CEP350: variants seen among roughly 807,000 people sequenced by gnomAD.
The protein encoded by CEP350 is centrosomal protein 350.
Under a neutral mutation model 331.8 loss-of-function variants are expected in CEP350, and 126 were observed. The observed-to-expected ratio is 0.38, with a 90% confidence interval of 0.33 to 0.44. The LOEUF (loss-of-function observed/expected upper bound fraction) is 0.44, where lower values mean the gene tolerates loss of function less well. CEP350 is among the 20% of genes least tolerant of loss of function. The probability of loss-of-function intolerance (pLI) is 1.00; values close to 1 mark genes in which losing one functional copy is unlikely to be tolerated. For missense variants in CEP350, 3,406 were observed against 3,634.6 expected, an observed-to-expected ratio of 0.94 and a Z score of 1.62; for synonymous variants, 1,200 against 1,259.5, an observed-to-expected ratio of 0.95 and a Z score of 1.00.
At position 180,012,028 on chromosome 1, in the gene CEP350, G is replaced by T; in HGVS notation, c.1346G>T (p.Arg449Ile). The change falls in exon 9 of 38, where the codon AGA becomes ATA. Residue 449 changes from arginine to isoleucine, a missense_variant. Arg to Ile is a moderately conservative substitution (Grantham distance 97). Coordinates refer to ENST00000367607, the MANE Select transcript of CEP350 (RefSeq NM_014810.5). ...PAPRMEPKEQ[R>I]TASSDRGGRE... ...CCCAGAATGGAGCCAAAAGAGCAAA[G>T]AACAGCATCAAGTGACAGAGGTGGA... The T allele has an allele frequency of 6.3e-7, 1 of 1,578,956 alleles. No individual in the cohort carries two copies. Among genetic ancestry groups the T allele is most frequent in the East Asian group, 2.3e-5 (1 of 43,660 alleles).
intron 27 of CEP350, among the ~76,000 whole-genome samples, chr1:180,069,566 G>T (rs1658764318): frequency 6.6e-6 from 1 of 152,082 alleles, no homozygotes; most frequent in Non-Finnish European, 1.5e-5. Context: ...TTTATTCTCT[G>T]CAGGAATTCC....
chr1:180,051,670 A>G (rs1265053051), intron 22 of CEP350, among the ~76,000 whole-genome samples: 2 of 152,244 alleles, frequency 1.3e-5, no homozygotes, highest in African/African-American at 4.8e-5. Flanking sequence ...AATGGAACGC[A>G]GCCTGCAATA....
chr1:180,012,052 G>T lies in CEP350; in HGVS notation c.1370G>T (p.Gly457Val). ...EQRTASSDRGGRERTAKSGGH... is the reference protein window; with the variant it reads ...EQRTASSDRGVRERTAKSGGH... Reference sequence around the variant, plus strand: ...AGAACAGCATCAAGTGACAGAGGTGGAAGAGAAAGAACTGCTAAATCTGGT... The same window carrying T: ...AGAACAGCATCAAGTGACAGAGGTGTAAGAGAAAGAACTGCTAAATCTGGT... The change falls in exon 9 of 38, where the codon GGA becomes GTA. Residue 457 changes from glycine (G) to valine (V), a missense_variant. By Grantham distance (109) the Gly-to-Val change is moderately radical. Coordinates refer to ENST00000367607, the MANE Select transcript of CEP350 (RefSeq NM_014810.5). 6.4e-7 allele frequency: 1 copy of T among 1,563,396 alleles called. No homozygotes were observed. The highest frequency in any genetic ancestry group is 8.7e-7 in the Non-Finnish European group (1 of 1,154,324).
At chr1:180,045,357 T>A (rs1457080672) in intron 21 of CEP350, among the ~76,000 whole-genome samples, 7 of 151,798 alleles carry the variant, frequency 4.6e-5, no homozygotes, top group Non-Finnish European at 1.0e-4. Context: ...AAAAAAAAAA[T>A]TGAATAGCTG....
At chr1:180,049,778 G>A (rs1657367746) in intron 22 of CEP350, among the ~76,000 whole-genome samples, 1 of 152,062 alleles carries the variant, frequency 6.6e-6, no homozygotes, top group South Asian at 2.1e-4. Context: ...TCCTGACCTC[G>A]TGATCCGCCT....
At chr1:180,044,716 T>C (rs1258325280) in intron 21 of CEP350, among the ~76,000 whole-genome samples, 3 of 148,080 alleles carry the variant, frequency 2.0e-5, no homozygotes, top group Non-Finnish European at 4.5e-5. Flanking sequence ...TTAGGAGATA[T>C]ACCTAATGCT....
chr1:180,052,306 T>C (rs1282222149), intron 22 of CEP350: 1 of 448,140 alleles, frequency 2.2e-6, no homozygotes, highest in Admixed American at 2.4e-5. Flanking sequence ...CCCAAAATGC[T>C]GGAATTACAG....
intron 26 of CEP350, among the ~76,000 whole-genome samples, chr1:180,063,186 C>CTTTTTTT (rs35572192): frequency 9.3e-6 from 1 of 106,966 alleles, no homozygotes; most frequent in Non-Finnish European, 1.8e-5. Flanking sequence ...AAATTTGAAA[C>CTTTTTTT]TTTTTTTTTT....
intron 21 of CEP350, among the ~76,000 whole-genome samples, chr1:180,045,599 T>C (rs4379644): frequency 0.81 from 122,979 of 152,118 alleles, 50,053 homozygotes; most frequent in Admixed American, 0.87. Flanking sequence ...AACTATCTGA[T>C]GTTCATTTAA....
chr1:179,990,570 A>G lies in CEP350; in HGVS notation c.184A>G (p.Met62Val), dbSNP rs759427074. Residue 62 changes from methionine (M) to valine (V), a missense_variant, in exon 4 of 38, where the codon ATG becomes GTG. Coordinates refer to ENST00000367607, the MANE Select transcript of CEP350 (RefSeq NM_014810.5). ...AAGTACAGCTGTGTGTGATTCTGTC[A>G]TGGATACCAAGAAGTCTTCTACAAG... is the stretch of plus-strand genomic sequence containing the variant. ...PTSTAVCDSV[M>V]DTKKSSTSAT... 6 of 1,606,440 alleles carry G rather than the reference A, an allele frequency of 3.7e-6. No homozygotes were observed. Among genetic ancestry groups the G allele is most frequent in the Admixed American group, 1.7e-5 (1 of 59,402 alleles).
At chr1:180,054,544 A>C (rs1052132758) in intron 25 of CEP350, 42 bp downstream of exon 25, 1 of 1,418,408 alleles carries the variant, frequency 7.1e-7, no homozygotes, top group East Asian at 2.4e-5. Context: ...CTTATAAGGC[A>C]AGTTAGTTTG....
chr1:180,057,219 C>T (rs1490268879), intron 25 of CEP350, among the ~76,000 whole-genome samples: 4 of 151,806 alleles, frequency 2.6e-5, no homozygotes, highest in African/African-American at 4.8e-5. Context: ...CTGCCTCAGC[C>T]TCCTGAGTAG....
At chr1:180,105,014 C>T (rs1469174839) in intron 37 of CEP350, among the ~76,000 whole-genome samples, 1 of 152,056 alleles carries the variant, frequency 6.6e-6, no homozygotes, top group Admixed American at 6.5e-5. Context: ...TTTCCCTTTA[C>T]AATAAAACTC....
At chr1:180,059,638 TC>T (rs1658074848) in intron 25 of CEP350, among the ~76,000 whole-genome samples, 2 of 151,902 alleles carry the variant, frequency 1.3e-5, no homozygotes, top group African/African-American at 2.4e-5. Flanking sequence ...TTTTTTTTTT[TC>T]ATGGAATAGT....
chr1:179,989,928 C>A (rs1490585407), intron 3 of CEP350, among the ~76,000 whole-genome samples: 1 of 152,046 alleles, frequency 6.6e-6, no homozygotes, highest in Admixed American at 6.5e-5. Flanking sequence ...GTGGCTCACG[C>A]CTGTAATCCC....
chr1:180,057,543 G>A (rs1402371209), intron 25 of CEP350, among the ~76,000 whole-genome samples: 1 of 149,960 alleles, frequency 6.7e-6, no homozygotes, highest in Non-Finnish European at 1.5e-5. Flanking sequence ...CTATCGTATG[G>A]CCCCTTTTCT....
At chr1:179,988,296 C>CA (rs532507277) in intron 3 of CEP350, among the ~76,000 whole-genome samples, 2,490 of 86,524 alleles carry the variant, frequency 0.029, 36 homozygotes, top group African/African-American at 0.06. Context: ...GATCCTGTCT[C>CA]AAAAAAAAAA....
chr1:180,091,415 G>A (rs541688292), intron 33 of CEP350, among the ~76,000 whole-genome samples: 2 of 152,134 alleles, frequency 1.3e-5, no homozygotes, highest in African/African-American at 4.8e-5. Flanking sequence ...TATATCATCT[G>A]CATCTCTGAA....
At position 180,023,680 on chromosome 1, in the gene CEP350, C is replaced by G. The variant is rs546542486; in HGVS notation, c.3387-739C>G. Among the ~76,000 whole-genome samples the G allele has an allele frequency of 2.0e-5, 3 of 152,278 alleles. No homozygotes were observed. In the South Asian group the frequency reaches 6.2e-4, roughly 32 times the overall value. The stretch of plus-strand genomic sequence containing the variant: ...GTGGAAAGTATTACTGTTATCATTT[C>G]TGTTTTAGACAGCAAACTGAAGCAG... On this transcript the variant is annotated intron_variant, in intron 13 of 37. Coordinates refer to ENST00000367607, the MANE Select transcript of CEP350 (RefSeq NM_014810.5).
Sources: allele counts gnomAD v4.1 joint callset (sites outside exome capture counted in the v4.1 genomes callset), GRCh38; gene constraint gnomAD v4.1.1; transcripts MANE v1.5; gene names NCBI Gene and HGNC (gene_info 2026-07-23, HGNC 2026-07-21).